Variants in NAV1 observed in about 807,000 individuals in gnomAD.
NAV1 encodes the protein pore membrane and/or filament interacting like protein 3.
In NAV1, 18 loss-of-function variants were observed where a neutral mutation model predicts 175.2. The ratio of observed to expected loss-of-function variants is 0.10; its 90% CI spans 0.07 to 0.15. NAV1 has a LOEUF of 0.15. NAV1 is among the 10% of genes least tolerant of loss of function. The pLI is 1.00. For synonymous variants in NAV1, 897 were observed against 978.7 expected, an observed-to-expected ratio of 0.92 and a Z score of 1.56; for missense variants, 1,731 against 2,436.6, an observed-to-expected ratio of 0.71 and a Z score of 6.10.
In NAV1 at chr1:201,718,920, C is replaced by G. The variant is rs1279908441; in HGVS notation, c.1226+165C>G. Among the ~76,000 whole-genome samples, 1 of 151,978 alleles carries G rather than the reference C, an allele frequency of 6.6e-6. No individual in the cohort carries two copies. Among genetic ancestry groups the G allele is most frequent in the African/African-American group, 2.4e-5 (1 of 41,362 alleles). On this transcript the variant is annotated intron_variant, in intron 3 of 29. Coordinates refer to ENST00000367296, the Ensembl canonical transcript of NAV1. The surrounding 1 kb of genome is among the most constrained non-coding windows in gnomAD (Gnocchi z 4.8). ...ACACTTTGTGATTGCCTCTGAAATT[C>G]GATGTGGTTTATTCTAGACTTGGGT...
rs916524922 is a variant in NAV1 at position 201,642,382 on chromosome 1, TTTTGTTTGTTTG to T, written c.5-6240_5-6229del. Among the ~76,000 whole-genome samples the T allele has an allele frequency of 1.3e-5, 2 of 151,568 alleles. 1 individual carries two copies. The highest frequency in any genetic ancestry group is 1.3e-4 in the Admixed American group (2 of 15,236). On this transcript the variant is annotated intron_variant, in intron 2 of 29. Transcript: ENST00000367302. ...CGCCCGCCACCACACCCAGCTAATT[TTTTGTTTGTTTG>T]TTTGTTTGTTTTAGTACAGACGGGG...
chr1:201,683,511 C>T (rs1670549950), intron 1 of NAV1, among the ~76,000 whole-genome samples: 1 of 150,704 alleles, frequency 6.6e-6, no homozygotes, highest in Admixed American at 6.7e-5. Flanking sequence ...ATAGGGTTCA[C>T]CTTCCTATGA....
In NAV1 at chr1:201,555,939, A is replaced by C. The variant is rs1023529799; in HGVS notation, c.-144+16597A>C. 7.9e-5 allele frequency among the ~76,000 whole-genome samples: 12 copies of C among 152,022 alleles called. 1 individual carries two copies. Among genetic ancestry groups the C allele is most frequent in the African/African-American group, 2.9e-4 (12 of 41,402 alleles). On this transcript the variant is annotated intron_variant, in intron 1 of 33. Transcript: ENST00000685211. Reference sequence around the variant, plus strand: ...AGGTCGGCCTATCTGGAACCCCAAGAGAACAGTCTGTGGAAAAGGCCCAAG... The same window carrying C: ...AGGTCGGCCTATCTGGAACCCCAAGCGAACAGTCTGTGGAAAAGGCCCAAG...
At chr1:201,793,630 T>C (rs1482484352) in intron 13 of NAV1, 162 bp from the exon 18 acceptor site, 1 of 633,608 alleles carries the variant, frequency 1.6e-6, no homozygotes, top group Admixed American at 2.9e-5. Flanking sequence ...ATTTCCCCTT[T>C]GTCTGCTCAG....
intron 1 of NAV1, among the ~76,000 whole-genome samples, chr1:201,561,433 GTTAC>G (rs150543719): frequency 1.8e-4 from 28 of 152,130 alleles, no homozygotes; most frequent in Non-Finnish European, 2.5e-4. Flanking sequence ...TCCTGATTCT[GTTAC>G]TTACTTACTT....
chr1:201,785,788 C>CTTTTTTT lies in NAV1; in HGVS notation c.2846+453_2846+459dup, dbSNP rs34841837. ...TTCAGTTGGGTGGCAACTATTGCAA[C>CTTTTTTT]TTTTTTTTTTTTTTTTTTTTTTGAG... On this transcript the variant is annotated intron_variant, in intron 8 of 29. Coordinates refer to ENST00000367296, the Ensembl canonical transcript of NAV1. Among the ~76,000 whole-genome samples the CTTTTTTT allele has an allele frequency of 2.5e-4, 25 of 99,532 alleles. 2 individuals carry two copies. The highest frequency in any genetic ancestry group is 3.2e-4 in the East Asian group (1 of 3,152). The allele number at this position is 99,532 out of a possible 152,430, so 65.3% of individuals were successfully genotyped here.
At chr1:201,629,704 G>A (rs1668432226) in intron 2 of NAV1, among the ~76,000 whole-genome samples, 197 bp downstream of exon 4, 1 of 152,152 alleles carries the variant, frequency 6.6e-6, no homozygotes, top group African/African-American at 2.4e-5. Context: ...AGCCTTTTAG[G>A]GGCAGCATAG....
intron 1 of NAV1, among the ~76,000 whole-genome samples, chr1:201,628,620 C>T (rs116289720): frequency 0.021 from 3,271 of 152,298 alleles, 109 homozygotes; most frequent in African/African-American, 0.073. Context: ...TCCCCTCCCC[C>T]TCCTGCCAAG....
chr1:201,793,104 T>C (rs1677216595), intron 13 of NAV1: 1 of 152,344 alleles, frequency 6.6e-6, no homozygotes, highest in Non-Finnish European at 1.5e-5. Flanking sequence ...GGTCAAACTA[T>C]GCCAAACCAA....
At chr1:201,806,075 C>T (rs1403053438) in intron 17 of NAV1, among the ~76,000 whole-genome samples, 1 of 151,174 alleles carries the variant, frequency 6.6e-6, no homozygotes, top group Non-Finnish European at 1.5e-5. Context: ...ACCTCGGCCT[C>T]GCGGGTTCAA....
intron 1 of NAV1, among the ~76,000 whole-genome samples, chr1:201,576,359 G>A (rs1666689818): frequency 6.6e-6 from 1 of 152,206 alleles, no homozygotes; most frequent in African/African-American, 2.4e-5. Flanking sequence ...CTGTTGCTGA[G>A]TAATATTCTA....
chr1:201,561,382 G>A (rs753391394), intron 1 of NAV1, among the ~76,000 whole-genome samples: 4 of 152,186 alleles, frequency 2.6e-5, no homozygotes, highest in South Asian at 2.1e-4. Flanking sequence ...ATGGTGTTAC[G>A]CAAAAACAGG....
At chr1:201,584,739 A>T (rs1327227965) in intron 1 of NAV1, among the ~76,000 whole-genome samples, 1 of 152,204 alleles carries the variant, frequency 6.6e-6, no homozygotes, top group Non-Finnish European at 1.5e-5. Flanking sequence ...AGGCTGGGCC[A>T]GTCCAGATGC....
intron 17 of NAV1, among the ~76,000 whole-genome samples, chr1:201,806,516 C>G (rs1678295350): frequency 1.3e-5 from 2 of 152,164 alleles, no homozygotes; most frequent in Non-Finnish European, 2.9e-5. Context: ...GGCAGCTTGT[C>G]ATAGGATCTC....
chr1:201,642,207 T>TCCTC (rs1668787434), intron 2 of NAV1, among the ~76,000 whole-genome samples: 1 of 141,486 alleles, frequency 7.1e-6, no homozygotes, highest in Non-Finnish European at 1.5e-5. Flanking sequence ...CTTCCTTTCT[T>TCCTC]CCTTCCCTCC....
At chr1:201,792,568 CT>C in intron 13 of NAV1, 1 of 152,316 alleles carries the variant, frequency 6.6e-6, no homozygotes. Context: ...TTCTTGGGGC[CT>C]CTCATGAGTA....
At position 201,585,310 on chromosome 1, in the gene NAV1, TG is replaced by T. The variant is rs139496892; in HGVS notation, c.-143-3224del. On this transcript the variant is annotated intron_variant, in intron 1 of 33. Transcript: ENST00000685211. ...AAATTATTCTGTGAGAATACGATGA[TG>T]GGGGAGGCACAGAACTAGGTTTCTG... Among the ~76,000 whole-genome samples, 1,415 of 152,212 alleles carry T rather than the reference TG, an allele frequency of 9.3e-3. 17 individuals carry two copies. The highest frequency in any genetic ancestry group is 0.032 in the African/African-American group (1,308 of 41,518).
intron 1 of NAV1, among the ~76,000 whole-genome samples, chr1:201,540,904 G>A (rs1665494349): frequency 6.6e-6 from 1 of 152,170 alleles, no homozygotes; most frequent in Non-Finnish European, 1.5e-5. Context: ...AAATCGCTAC[G>A]GTTGGAAGAA....
intron 1 of NAV1, among the ~76,000 whole-genome samples, chr1:201,573,955 T>C (rs558796690): frequency 2.6e-5 from 4 of 151,482 alleles, no homozygotes; most frequent in South Asian, 4.2e-4. Flanking sequence ...ACTTGGGAGG[T>C]TGAGGTGGGA....
Sources: allele counts gnomAD v4.1 joint callset (sites outside exome capture counted in the v4.1 genomes callset), GRCh38; gene constraint gnomAD v4.1.1; non-coding constraint Gnocchi (gnomAD v3.1); transcripts MANE v1.5; gene names NCBI Gene and HGNC (gene_info 2026-07-23, HGNC 2026-07-21).